PLA1A: variants seen among roughly 807,000 people sequenced by gnomAD.
PLA1A encodes the protein phosphatidylserine-specific phospholipase A1alpha.
A neutral mutation model predicts 49.4 loss-of-function variants in PLA1A; 47 were observed. That is an observed-to-expected ratio of 0.95 (90% CI 0.75 to 1.21). The LOEUF (loss-of-function observed/expected upper bound fraction) is 1.21. PLA1A is among the 50% of genes most tolerant of loss of function. The pLI, the probability that PLA1A is intolerant of heterozygous loss-of-function variation, is 0.00. For synonymous variants in PLA1A, 224 were observed against 207.9 expected (o/e 1.08, Z -0.67); for missense variants, 561 against 563.9 (o/e 0.99, Z 0.05).
chr3:119,603,752 T>C (rs777682922), intron 1 of PLA1A, among the ~76,000 whole-genome samples: 1 of 152,216 alleles, frequency 6.6e-6, no homozygotes, highest in Admixed American at 6.5e-5. Context: ...ACCAAAGGGA[T>C]GTGAAGAATA....
chr3:119,609,650 G>A, intron 4 of PLA1A, 74 bp downstream of exon 4: 2 of 795,510 alleles, frequency 2.5e-6, no homozygotes, highest in South Asian at 1.6e-5. Context: ...CTCTTCTAAA[G>A]CAAGCAGAGG....
In PLA1A at chr3:119,618,109, G is replaced by T; in HGVS notation, c.845G>T (p.Cys282Phe). 1 of 1,614,026 alleles carries T rather than the reference G, an allele frequency of 6.2e-7. No homozygotes were observed. Among genetic ancestry groups the T allele is most frequent in the Non-Finnish European group, 8.5e-7 (1 of 1,179,902 alleles). ...TCCTGTCCACTGATGGCCTTTCCCT[G>T]TGCCAGCTACAAGGCCTTCCTTGCT... ...ENSCPLMAFP[C>F]ASYKAFLAGR... The change falls in exon 7 of 11, where the codon TGT becomes TTT. Residue 282 changes from cysteine (C) to phenylalanine (F), a missense_variant. Cys to Phe is a radical substitution (Grantham distance 205, BLOSUM62 -2). Transcript: ENST00000273371.
chr3:119,612,943 G>A lies in PLA1A; in HGVS notation c.563-74G>A, dbSNP rs959894595. 5.4e-6 allele frequency: 5 copies of A among 920,372 alleles called. No homozygotes were observed. The African/African-American group carries it at 6.8e-5, about 12-fold the overall frequency. 57.0% of individuals were successfully genotyped at this position (920,372 alleles called of 1,614,324 possible). A position where few individuals can be genotyped will look rare whatever the true frequency, so the allele number is the denominator to read the frequency against. On this transcript the variant is annotated intron_variant, in intron 4 of 10. Transcript: ENST00000273371. ...GGTCTATGATCTGCACTGGAAGGGT[G>A]GGTGTGTGGTGGGTCCATGAATGTT...
rs564115886 is a variant in PLA1A at position 119,628,585 on chromosome 3, C to T, written c.1122-116C>T. The T allele has an allele frequency of 4.8e-6, 4 of 839,430 alleles. No homozygotes were observed. In the African/African-American group the frequency reaches 5.1e-5, roughly 11 times the overall value. 52.0% of individuals were successfully genotyped at this position (839,430 alleles called of 1,614,324 possible). On this transcript the variant is annotated intron_variant, in intron 9 of 10. Coordinates refer to ENST00000273371, the MANE Select transcript of PLA1A (RefSeq NM_015900.4). The stretch of plus-strand genomic sequence containing the variant: ...ACAAAGGACTGTGGTAAGGAGCTAA[C>T]CCCTTGGTGCATGACAGCCAACCAG...
intron 6 of PLA1A, among the ~76,000 whole-genome samples, chr3:119,617,256 G>A (rs948851478): frequency 1.3e-5 from 2 of 152,178 alleles, no homozygotes; most frequent in African/African-American, 4.8e-5. Flanking sequence ...TGGGTGTAGA[G>A]AGTGACCACA....
chr3:119,605,019 T>C (rs899369624), intron 1 of PLA1A, among the ~76,000 whole-genome samples: 2 of 152,268 alleles, frequency 1.3e-5, no homozygotes, highest in Non-Finnish European at 2.9e-5. Flanking sequence ...AACTCTCTGA[T>C]GGATGCAGGC....
At chr3:119,626,869 T>C (rs1418083776) in intron 9 of PLA1A, among the ~76,000 whole-genome samples, 3 of 152,176 alleles carry the variant, frequency 2.0e-5, no homozygotes, top group South Asian at 2.1e-4. Context: ...TGGATATCAG[T>C]AAGCCAAGTA....
In PLA1A at chr3:119,619,924, T is replaced by G. The variant is rs115520747; in HGVS notation, c.1012+272T>G. ...CTAGTGGGTCTTCTCTCTCGAGTGA[T>G]GTTTAGGAGTGTCCTCCGGCTGCCT... On this transcript the variant is annotated intron_variant, in intron 8 of 10. Coordinates refer to ENST00000273371, the MANE Select transcript of PLA1A (RefSeq NM_015900.4). 6.9e-3 allele frequency among the ~76,000 whole-genome samples: 1,048 copies of G among 152,316 alleles called. 10 individuals are homozygous for G. Among genetic ancestry groups the G allele is most frequent in the African/African-American group, 0.023 (975 of 41,566 alleles).
chr3:119,608,235 A>G (rs2107781802), intron 2 of PLA1A, among the ~76,000 whole-genome samples: 1 of 104,550 alleles, frequency 9.6e-6, no homozygotes, highest in Non-Finnish European at 2.1e-5. Flanking sequence ...AGAGAGAGAA[A>G]GAAAGAGAGA....
intron 9 of PLA1A, 68 bp from the exon 10 acceptor site, chr3:119,628,633 G>A: frequency 6.8e-7 from 1 of 1,471,126 alleles, no homozygotes; most frequent in Non-Finnish European, 9.4e-7. Flanking sequence ...AGCCCGATCG[G>A]AGCCAAAGGG....
intron 4 of PLA1A, 98 bp from the exon 5 acceptor site, chr3:119,612,919 G>T (rs1003989911): frequency 6.8e-6 from 5 of 739,488 alleles, no homozygotes; most frequent in East Asian, 2.9e-5. Context: ...TTCTGGGAGG[G>T]TCTATGATCT....
chr3:119,624,327 T>C lies in PLA1A; in HGVS notation c.1013-797T>C, dbSNP rs112725018. On this transcript the variant is annotated intron_variant, in intron 8 of 10. Transcript: ENST00000273371. ...GCCCTTCTATAAGGCACTATTTCAT[T>C]CATGATAGTAGAGCCTTCATGACTT... Among the ~76,000 whole-genome samples the C allele has an allele frequency of 5.7e-3, 866 of 152,270 alleles. 8 individuals are homozygous for C. Among genetic ancestry groups the C allele is most frequent in the African/African-American group, 0.02 (825 of 41,546 alleles).
At chr3:119,613,221 C>A in intron 5 of PLA1A, 103 bp downstream of exon 5, 2 of 692,490 alleles carry the variant, frequency 2.9e-6, no homozygotes, top group South Asian at 3.6e-5. Flanking sequence ...CCCTGACCCT[C>A]TCTGAGCTTC....
chr3:119,610,534 AGATGGTATATCATGGTGTGAT>A (rs2082751164), intron 4 of PLA1A, among the ~76,000 whole-genome samples: 1 of 151,924 alleles, frequency 6.6e-6, no homozygotes, highest in African/African-American at 2.4e-5. Flanking sequence ...GAGTGGTGTG[AGATGGTATATCATGGTGTGAT>A]GATTAGTGAT....
At chr3:119,613,615 C>T (rs554200704) in intron 5 of PLA1A, among the ~76,000 whole-genome samples, 34 of 152,316 alleles carry the variant, frequency 2.2e-4, no homozygotes, top group Middle Eastern at 3.4e-3. Context: ...TCTTCCGGGC[C>T]GGGCACGGTG....
In PLA1A at chr3:119,609,829, T is replaced by A. The variant is rs180880024; in HGVS notation, c.562+253T>A. ...ACTTTTTATTTTTAAGTTTCTTATTTAAAAAAACTTTTAGATTCAGGATTT... is the reference window on the plus strand; with the variant it reads ...ACTTTTTATTTTTAAGTTTCTTATTAAAAAAAACTTTTAGATTCAGGATTT... On this transcript the variant is annotated intron_variant, in intron 4 of 10. Coordinates refer to ENST00000273371, the MANE Select transcript of PLA1A (RefSeq NM_015900.4). Among the ~76,000 whole-genome samples, 146 of 152,346 alleles carry A rather than the reference T, an allele frequency of 9.6e-4. No individual in the cohort carries two copies. The East Asian group carries it at 0.011, about 11-fold the overall frequency.
chr3:119,597,958 C>T lies in PLA1A; in HGVS notation c.45C>T (p.Leu15=), dbSNP rs1221411560. 3.1e-6 allele frequency: 5 copies of T among 1,610,074 alleles called. No homozygotes were observed. The Admixed American group carries it at 6.7e-5, about 22-fold the overall frequency. Residue 15 remains leucine, a synonymous_variant, in exon 1 of 11, where the codon CTC becomes CTT. Transcript: ENST00000273371. ...PWESCFWVGG[L]ILWLSVGSSG... is the part of the protein sequence containing the mutation. ...AGAGCTGCTTCTGGGTGGGGGGCCT[C>T]ATTTTGTGGCTCAGCGTTGGAAGTT...
chr3:119,623,994 C>G (rs6799965), intron 8 of PLA1A, among the ~76,000 whole-genome samples: 77,541 of 151,912 alleles, frequency 0.51, 20,310 homozygotes, highest in East Asian at 0.89. Context: ...CAAAGTGCTG[C>G]GATTACAGGA....
chr3:119,603,175 TAA>T (rs35243183), intron 1 of PLA1A, among the ~76,000 whole-genome samples: 519 of 151,612 alleles, frequency 3.4e-3, no homozygotes, highest in African/African-American at 0.012. Flanking sequence ...TTGACTGACT[TAA>T]AAAAAAAAAT....
Sources: allele counts gnomAD v4.1 joint callset (sites outside exome capture counted in the v4.1 genomes callset), GRCh38; gene constraint gnomAD v4.1.1; transcripts MANE v1.5; gene names NCBI Gene and HGNC (gene_info 2026-07-23, HGNC 2026-07-21).